QRICH2: variants seen among roughly 807,000 people sequenced by gnomAD.
QRICH2 encodes the protein glutamine-rich protein 2.
A neutral mutation model predicts 168.3 loss-of-function variants in QRICH2; 119 were observed. The ratio of observed to expected loss-of-function variants is 0.71; its 90% CI spans 0.61 to 0.82. The LOEUF (loss-of-function observed/expected upper bound fraction) is 0.82. Ranked by LOEUF, QRICH2 falls within the 40% of genes least tolerant of loss-of-function variation. The pLI is 0.00. For synonymous variants in QRICH2, 894 were observed against 951.2 expected, an observed-to-expected ratio of 0.94 and a Z score of 1.11; for missense variants, 2,241 against 2,491.6, an observed-to-expected ratio of 0.90 and a Z score of 2.14.
intron 7 of QRICH2, among the ~76,000 whole-genome samples, chr17:76,285,119 T>C (rs981111962): frequency 7.9e-6 from 1 of 127,050 alleles, no homozygotes; most frequent in Non-Finnish European, 1.7e-5. Flanking sequence ...CACACCCAGC[T>C]ATTTTCTGTT....
chr17:76,280,892 T>C lies in QRICH2; in HGVS notation c.4325A>G (p.Lys1442Arg), dbSNP rs771586191. ...AILQVQGDCE[K>R]LNITTSNLIE... ...GAGGTTGCTGGTGGTGATGTTGAGC[T>C]TCTCGCAGTCACCCTGCACCTGCAG... The change falls in exon 9 of 19, where the codon AAG becomes AGG. Residue 1442 changes from lysine to arginine, a missense_variant. Around this residue, in one of 3 missense-constraint regions of QRICH2, gnomAD observed 2,047 missense variants for 2,303.8 expected, o/e 0.89. Coordinates refer to ENST00000680821, the MANE Select transcript of QRICH2 (RefSeq NM_001388453.1). The surrounding 1 kb of genome is among the most constrained non-coding windows in gnomAD (Gnocchi z 7.4). 6.2e-7 allele frequency: 1 copy of C among 1,613,386 alleles called. No homozygotes were observed. Among genetic ancestry groups the C allele is most frequent in the Admixed American group, 1.7e-5 (1 of 60,028 alleles).
intron 7 of QRICH2, among the ~76,000 whole-genome samples, chr17:76,284,739 A>G (rs915563532): frequency 6.6e-6 from 1 of 151,344 alleles, no homozygotes; most frequent in Non-Finnish European, 1.5e-5. Flanking sequence ...AATCACTTGA[A>G]CTCAGAGGGC....
rs542994092 is a variant in QRICH2 at position 76,306,910 on chromosome 17, A to G, written c.534+555T>C. ...TCAAAAAAAAAAAAAGTCCAAGTGAAACGGTCCCCTGCCTGCTGTGGCTTG... is the reference window on the plus strand; with the variant it reads ...TCAAAAAAAAAAAAAGTCCAAGTGAGACGGTCCCCTGCCTGCTGTGGCTTG... On this transcript the variant is annotated intron_variant, in intron 1 of 18. Coordinates refer to ENST00000680821, the MANE Select transcript of QRICH2 (RefSeq NM_001388453.1). Among the ~76,000 whole-genome samples the G allele has an allele frequency of 2.0e-4, 31 of 151,976 alleles. No individual in the cohort carries two copies. The East Asian group carries it at 6.0e-3, about 29-fold the overall frequency.
At position 76,293,770 on chromosome 17, in the gene QRICH2, A is replaced by G; in HGVS notation, c.957T>C (p.Arg319=). Residue 319 remains arginine (R), a synonymous_variant, in exon 4 of 19, where the codon CGT becomes CGC. Coordinates refer to ENST00000680821, the MANE Select transcript of QRICH2 (RefSeq NM_001388453.1). ...GGAGTCGTGGCACGCCAGCTTCATC[A>G]CGGGCCCTCGGCTGCTGCTGTCTCC... ...GTGRQQQPRA[R]DEAGVPRLHQ... 1 of 1,614,074 alleles carries G rather than the reference A, an allele frequency of 6.2e-7. No homozygotes were observed.
chr17:76,288,961 G>T (rs184587264), intron 5 of QRICH2, among the ~76,000 whole-genome samples: 1 of 151,796 alleles, frequency 6.6e-6, no homozygotes, highest in Non-Finnish European at 1.5e-5. Flanking sequence ...AAAATTAGCC[G>T]GGCGTGGTGG....
chr17:76,304,370 G>A, intron 3 of QRICH2, 45 bp downstream of exon 3: 2 of 1,282,932 alleles, frequency 1.6e-6, no homozygotes, highest in Non-Finnish European at 2.3e-6. Flanking sequence ...GAGAAGTTCT[G>A]GGGAGCCCCA....
chr17:76,286,061 G>C (rs1442526032), intron 7 of QRICH2, among the ~76,000 whole-genome samples: 1 of 152,040 alleles, frequency 6.6e-6, no homozygotes, highest in East Asian at 1.9e-4. Context: ...TGTAGTCCCA[G>C]CTACTCGGGA....
At chr17:76,282,719 G>A (rs558610555) in intron 7 of QRICH2, among the ~76,000 whole-genome samples, 29 of 152,302 alleles carry the variant, frequency 1.9e-4, no homozygotes, top group Admixed American at 3.9e-4. Flanking sequence ...GGCCCCATTC[G>A]TCACCCCAAA....
chr17:76,294,915 A>T (rs1046028381), intron 3 of QRICH2, among the ~76,000 whole-genome samples: 3 of 151,970 alleles, frequency 2.0e-5, no homozygotes, highest in African/African-American at 7.3e-5. Flanking sequence ...AATAAAGGAC[A>T]TAAGTAATTT....
chr17:76,276,862 A>G, intron 16 of QRICH2, 95 bp from the exon 17 acceptor site: 1 of 1,015,898 alleles, frequency 9.8e-7, no homozygotes, highest in Non-Finnish European at 1.5e-6. Flanking sequence ...CTGTGGTCTC[A>G]GAACCCTCCT....
intron 1 of QRICH2, 92 bp from the exon 2 acceptor site, chr17:76,305,033 ACACT>A (rs1438440917): frequency 6.8e-5 from 57 of 843,222 alleles, no homozygotes; most frequent in Non-Finnish European, 1.0e-4. Flanking sequence ...ACACACTCTC[ACACT>A]CAGACACACA....
intron 15 of QRICH2, 63 bp downstream of exon 15, chr17:76,277,926 G>T (rs368267845): frequency 1.3e-6 from 2 of 1,561,414 alleles, no homozygotes; most frequent in Non-Finnish European, 1.7e-6. Flanking sequence ...AGCCGTGCAC[G>T]AGCAGAAGCC....
intron 14 of QRICH2, among the ~76,000 whole-genome samples, chr17:76,278,638 G>A (rs929583499): frequency 2.0e-5 from 3 of 152,256 alleles, no homozygotes; most frequent in African/African-American, 4.8e-5. Context: ...AGCCTCCTTC[G>A]TTGGCTGAGC....
rs145264667 is a variant in QRICH2, at chr17:76,293,801, C to A, written c.926G>T (p.Gly309Val). Residue 309 changes from glycine to valine, a missense_variant, in exon 4 of 19, where the codon GGT (glycine) becomes GTT (valine). Around this residue, in one of 3 missense-constraint regions of QRICH2, gnomAD observed 2,047 missense variants for 2,303.8 expected, o/e 0.89. Coordinates refer to ENST00000680821, the MANE Select transcript of QRICH2 (RefSeq NM_001388453.1). Reference protein sequence around the residue: ...SSREQSKVPSGTGRQQQPRAR... With the variant: ...SSREQSKVPSVTGRQQQPRAR... ...CCTCGGCTGCTGCTGTCTCCCAGTA[C>A]CAGAGGGGACCTTGCTTTGTTCCCT... The A allele has an allele frequency of 6.2e-7, 1 of 1,614,066 alleles. No homozygotes were observed. Among genetic ancestry groups the A allele is most frequent in the East Asian group, 2.2e-5 (1 of 44,874 alleles).
At chr17:76,278,245 T>TTG in intron 14 of QRICH2, 56 bp from the exon 15 acceptor site, 3 of 1,559,190 alleles carry the variant, frequency 1.9e-6, no homozygotes, top group Non-Finnish European at 2.6e-6. Context: ...GGCCTTGACC[T>TTG]TGTGTAAGCC....
At chr17:76,285,944 G>A (rs1002983680) in intron 7 of QRICH2, among the ~76,000 whole-genome samples, 10 of 152,074 alleles carry the variant, frequency 6.6e-5, no homozygotes, top group Non-Finnish European at 1.5e-4. Flanking sequence ...AGGCCAAGGC[G>A]GGCAGATCAC....
rs1272547290 is a variant in QRICH2 at position 76,291,191 on chromosome 17, C to T, written c.3536G>A (p.Arg1179Gln). 1.4e-5 allele frequency: 22 copies of T among 1,614,178 alleles called. No homozygotes were observed. The highest frequency in any genetic ancestry group is 3.3e-5 in the South Asian group (3 of 91,082). ...SEVSSEVLSERRNSLRRMSSS... is the reference protein window; with the variant it reads ...SEVSSEVLSEQRNSLRRMSSS... ...ACTCATTCTACGCAGTGAATTGCGT[C>T]GCTCACTCAGGACTTCACTCGAGAC... is the stretch of plus-strand genomic sequence containing the variant. The change falls in exon 4 of 19, where the codon CGA becomes CAA. Residue 1179 changes from arginine (R) to glutamine (Q), a missense_variant. Arg to Gln is a conservative substitution (Grantham distance 43, BLOSUM62 1). Transcript: ENST00000680821.
At chr17:76,274,577 G>T (rs1341888525) in intron 18 of QRICH2, among the ~76,000 whole-genome samples, 1 of 152,198 alleles carries the variant, frequency 6.6e-6, no homozygotes, top group Non-Finnish European at 1.5e-5. Flanking sequence ...AACAGGCACA[G>T]GAATTTTCCT....
At chr17:76,277,031 T>TAAAA in intron 16 of QRICH2, 132 bp downstream of exon 16, 1 of 1,005,818 alleles carries the variant, frequency 9.9e-7, no homozygotes, top group East Asian at 2.7e-5. Context: ...CCTGAGGCTT[T>TAAAA]GACTGGGTCT....
Sources: gnomAD v4.1 joint callset for allele counts (sites outside exome capture counted in the v4.1 genomes callset) on GRCh38, gnomAD v4.1.1 for gene constraint, gnomAD v4.1.1 regional missense constraint, Gnocchi (gnomAD v3.1) non-coding constraint, MANE v1.5 for transcripts, NCBI Gene and HGNC (gene_info 2026-07-23, HGNC 2026-07-21) for gene names.